SCN8A: variants seen among roughly 807,000 people sequenced by gnomAD.
SCN8A encodes sodium voltage-gated channel alpha subunit 8.
A neutral mutation model predicts 184.1 loss-of-function variants in SCN8A; 30 were observed. The ratio of observed to expected loss-of-function variants is 0.16; its 90% CI spans 0.12 to 0.22. The LOEUF (loss-of-function observed/expected upper bound fraction) is 0.22. Ranked by LOEUF, SCN8A falls within the 10% of genes least tolerant of loss-of-function variation. The pLI, the probability that SCN8A is intolerant of heterozygous loss-of-function variation, is 1.00. For synonymous variants in SCN8A, 852 were observed against 907.0 expected (o/e 0.94, Z 1.09); for missense variants, 1,057 against 2,498.9 (o/e 0.42, Z 12.30).
intron 1 of SCN8A, among the ~76,000 whole-genome samples, chr12:51,629,143 ATTTC>A (rs935690491): frequency 5.9e-5 from 9 of 152,142 alleles, no homozygotes; most frequent in Non-Finnish European, 1.5e-5. Context: ...TGAGAAATAG[ATTTC>A]TTTATTAGCA....
chr12:51,684,507 C>G (rs1323796679), intron 3 of SCN8A, among the ~76,000 whole-genome samples: 1 of 152,002 alleles, frequency 6.6e-6, no homozygotes, highest in Non-Finnish European at 1.5e-5. Context: ...TTGTGGGAAT[C>G]TGAAATTTTG....
At chr12:51,698,045 G>A (rs1381332155) in intron 6 of SCN8A, among the ~76,000 whole-genome samples, 1 of 152,090 alleles carries the variant, frequency 6.6e-6, no homozygotes, top group Non-Finnish European at 1.5e-5. Context: ...GTAGAGATGG[G>A]GTTTCACCGT....
At chr12:51,693,518 T>A (rs1941545059) in intron 6 of SCN8A, among the ~76,000 whole-genome samples, 1 of 152,204 alleles carries the variant, frequency 6.6e-6, no homozygotes, top group Non-Finnish European at 1.5e-5. Flanking sequence ...ACACCTATAG[T>A]CCCAGCTAAT....
intron 26 of SCN8A, among the ~76,000 whole-genome samples, chr12:51,797,480 A>G (rs957903309): frequency 1.1e-4 from 17 of 152,200 alleles, no homozygotes; most frequent in Non-Finnish European, 1.5e-4. Flanking sequence ...ATTGATGACT[A>G]CCTTCTACTA....
intron 2 of SCN8A, among the ~76,000 whole-genome samples, chr12:51,678,310 A>T (rs1217405032): frequency 6.6e-6 from 1 of 152,224 alleles, no homozygotes; most frequent in Non-Finnish European, 1.5e-5. Context: ...TGACATAAGT[A>T]TGGTACTATC....
At chr12:51,731,237 T>TTTC (rs143162901) in intron 12 of SCN8A, among the ~76,000 whole-genome samples, 7,831 of 150,882 alleles carry the variant, frequency 0.052, 618 homozygotes, top group African/African-American at 0.18. Flanking sequence ...CTTTTTTCTT[T>TTTC]TTCTTCTTCT....
At chr12:51,740,280 G>A (rs1256304479) in intron 12 of SCN8A, among the ~76,000 whole-genome samples, 1 of 152,226 alleles carries the variant, frequency 6.6e-6, no homozygotes, top group African/African-American at 2.4e-5. Context: ...ACAAGGTGCT[G>A]ATAGCTTTAA....
At chr12:51,614,192 C>T (rs928466362) in intron 1 of SCN8A, among the ~76,000 whole-genome samples, 2 of 151,764 alleles carry the variant, frequency 1.3e-5, no homozygotes, top group African/African-American at 2.4e-5. Flanking sequence ...TTTTGTCCAT[C>T]GACTATACTT....
rs373313678 is a variant in SCN8A at position 51,669,215 on chromosome 12, G to C, written c.276+6122G>C. The stretch of plus-strand genomic sequence containing the variant: ...TGGAACTACCATCCCAAATATTGTT[G>C]ACCAAAACATTGTTATGTGGTGTCT... On this transcript the variant is annotated intron_variant, in intron 2 of 26. Transcript: ENST00000627620. Among the ~76,000 whole-genome samples the C allele has an allele frequency of 3.6e-3, 552 of 152,276 alleles. 5 individuals are homozygous for C. The highest frequency in any genetic ancestry group is 0.015 in the South Asian group (70 of 4,820).
chr12:51,695,664 C>A (rs181780513), intron 6 of SCN8A, among the ~76,000 whole-genome samples: 11 of 151,656 alleles, frequency 7.3e-5, no homozygotes, highest in African/African-American at 2.7e-4. Context: ...CCATTTCTCT[C>A]TCTCAGCATA....
chr12:51,780,568 T>C (rs1937878324), intron 20 of SCN8A, 81 bp from the exon 21 acceptor site: 5 of 187,748 alleles, frequency 2.7e-5, no homozygotes, highest in Non-Finnish European at 4.5e-5. Flanking sequence ...TTTCTTTCTT[T>C]TTTTTTTTTT....
chr12:51,694,276 T>C (rs1341736156), intron 6 of SCN8A, among the ~76,000 whole-genome samples: 1 of 152,220 alleles, frequency 6.6e-6, no homozygotes. Context: ...GTGGAAGACT[T>C]TGACCCCAAT....
At chr12:51,796,731 A>G (rs1938420280) in intron 26 of SCN8A, among the ~76,000 whole-genome samples, 1 of 152,190 alleles carries the variant, frequency 6.6e-6, no homozygotes, top group African/African-American at 2.4e-5. Flanking sequence ...GGAAGCTGAC[A>G]GTGCAGCCTT....
chr12:51,747,768 C>T (rs188364094), intron 13 of SCN8A, among the ~76,000 whole-genome samples: 2 of 151,980 alleles, frequency 1.3e-5, no homozygotes, highest in East Asian at 1.9e-4. Flanking sequence ...ACCATTGGGA[C>T]GTTTTAAAAT....
intron 14 of SCN8A, among the ~76,000 whole-genome samples, chr12:51,761,646 G>A (rs185162287): frequency 6.9e-4 from 105 of 151,520 alleles, no homozygotes; most frequent in Non-Finnish European, 1.1e-3. Context: ...CCACCACCAC[G>A]CCCAACTAAT....
At chr12:51,747,669 G>T (rs937615404) in intron 13 of SCN8A, among the ~76,000 whole-genome samples, 4 of 152,156 alleles carry the variant, frequency 2.6e-5, no homozygotes, top group African/African-American at 9.7e-5. Flanking sequence ...AGCAGGCATT[G>T]GCTGTGCTTA....
chr12:51,771,587 A>G (rs773528154), intron 19 of SCN8A, among the ~76,000 whole-genome samples: 7 of 152,224 alleles, frequency 4.6e-5, no homozygotes, highest in Non-Finnish European at 1.0e-4. Flanking sequence ...GGTGAAGAAG[A>G]CAGCTTTCAT....
chr12:51,649,390 G>A (rs571402589), intron 1 of SCN8A, among the ~76,000 whole-genome samples: 1 of 152,316 alleles, frequency 6.6e-6, no homozygotes, highest in African/African-American at 2.4e-5. Context: ...TCTGTCTGAG[G>A]GCTCCAACCC....
At chr12:51,718,819 A>G (rs1942005770) in intron 11 of SCN8A, among the ~76,000 whole-genome samples, 1 of 151,940 alleles carries the variant, frequency 6.6e-6, no homozygotes, top group Non-Finnish European at 1.5e-5. Context: ...CTTTAAGTAC[A>G]AGAGTAACTC....
Sources: allele counts gnomAD v4.1 joint callset (sites outside exome capture counted in the v4.1 genomes callset), GRCh38; gene constraint gnomAD v4.1.1; transcripts MANE v1.5; gene names NCBI Gene and HGNC (gene_info 2026-07-23, HGNC 2026-07-21).